DOCK9: variants seen among roughly 807,000 people sequenced by gnomAD.
DOCK9 encodes the protein dedicator of cytokinesis 9.
In DOCK9, 89 loss-of-function variants were observed where a neutral mutation model predicts 263.3. The observed-to-expected ratio is 0.34, with a 90% CI of 0.28 to 0.40. DOCK9 has a LOEUF of 0.40. DOCK9 is among the 10% of genes least tolerant of loss of function. The pLI is 1.00. For missense variants in DOCK9, 2,140 were observed against 2,603.4 expected, an observed-to-expected ratio of 0.82 and a Z score of 3.87; for synonymous variants, 976 against 973.1, an observed-to-expected ratio of 1.00 and a Z score of -0.06.
At chr13:98,846,876 A>G (rs2093409514) in intron 37 of DOCK9, 1 of 330,046 alleles carries the variant, frequency 3.0e-6, no homozygotes, top group Non-Finnish European at 5.9e-6. Context: ...GATCTTTTTC[A>G]CATGCAGCAG....
intron 3 of DOCK9, 32 bp downstream of exon 3, chr13:98,930,136 A>G: frequency 6.3e-7 from 1 of 1,580,586 alleles, no homozygotes; most frequent in South Asian, 1.2e-5. Context: ...AAATGACTTC[A>G]AAATGTAAAT....
chr13:99,015,582 CA>C (rs1885278397), intron 1 of DOCK9: 2 of 1,597,748 alleles, frequency 1.3e-6, no homozygotes, highest in Non-Finnish European at 1.7e-6. Context: ...TGCCTTTAAA[CA>C]GAATCACACT....
chr13:98,921,813 C>T (rs760733450), intron 6 of DOCK9, among the ~76,000 whole-genome samples: 29 of 152,198 alleles, frequency 1.9e-4, no homozygotes, highest in Admixed American at 1.6e-3. Context: ...TCAGTGTCTG[C>T]ACCTTCACAC....
chr13:98,879,167 C>G (rs1158541151), intron 27 of DOCK9, among the ~76,000 whole-genome samples: 1 of 152,162 alleles, frequency 6.6e-6, no homozygotes, highest in Non-Finnish European at 1.5e-5. Context: ...AACTTATCTA[C>G]CTTGAGCCTC....
At chr13:98,981,558 T>G (rs1877210598), upstream of DOCK9, among the ~76,000 whole-genome samples, 1 of 152,228 alleles carries the variant, frequency 6.6e-6, no homozygotes, top group Non-Finnish European at 1.5e-5. Context: ...GGCAGTCATC[T>G]GAGTCCACCG....
At chr13:98,923,745 T>C (rs1298055798) in intron 4 of DOCK9, among the ~76,000 whole-genome samples, 1 of 152,204 alleles carries the variant, frequency 6.6e-6, no homozygotes. Context: ...ACAATGATGG[T>C]ATTAACCACA....
intron 1 of DOCK9, among the ~76,000 whole-genome samples, chr13:99,058,632 G>C (rs571368045): frequency 2.3e-4 from 35 of 152,142 alleles, no homozygotes; most frequent in African/African-American, 8.0e-4. Flanking sequence ...ATTTACCAAG[G>C]GTTCCCCCCA....
intron 1 of DOCK9, among the ~76,000 whole-genome samples, chr13:99,025,849 T>C (rs574531378): frequency 7.9e-5 from 12 of 152,382 alleles, no homozygotes; most frequent in South Asian, 2.1e-4. Context: ...TGAAATATTA[T>C]GTACCAACTT....
rs147025665 is a variant in DOCK9, at chr13:98,848,625, T to C, written c.4028A>G (p.Gln1343Arg). 2.3e-3 allele frequency: 3,694 copies of C among 1,612,610 alleles called. 46 individuals carry two copies. Among genetic ancestry groups the C allele is most frequent in the South Asian group, 0.02 (1,828 of 90,332 alleles). ...GTATCGCTTCCCCATGTACTGGAAC[T>C]GGTGCAGGCAGACTCTGCAGGCAAG... Reference protein sequence around the residue: ...FFTISEVCLHQFQYMGKRYIA... With the variant: ...FFTISEVCLHRFQYMGKRYIA... The change falls in exon 37 of 53, where the codon CAG becomes CGG. Residue 1343 changes from glutamine (Q) to arginine (R), a missense_variant. Physicochemically the swap from Gln to Arg is conservative, Grantham distance 43 (BLOSUM62 1). Around this residue, in one of 2 missense-constraint regions of DOCK9, gnomAD observed 1,521 missense variants for 1,741.7 expected, o/e 0.87. Transcript: ENST00000682017.
chr13:98,883,329 C>T (rs2045153233), intron 22 of DOCK9, among the ~76,000 whole-genome samples, 198 bp from the exon 23 acceptor site: 1 of 152,038 alleles, frequency 6.6e-6, no homozygotes, highest in African/African-American at 2.4e-5. Flanking sequence ...CTCACTGCGG[C>T]CTTGACCTCC....
chr13:98,902,509 AT>A lies in DOCK9; in HGVS notation c.1177-19del, dbSNP rs1299396439. 3 of 1,607,644 alleles carry A rather than the reference AT, an allele frequency of 1.9e-6. No homozygotes were observed. Among genetic ancestry groups the A allele is most frequent in the Non-Finnish European group, 2.6e-6 (3 of 1,175,468 alleles). On this transcript the variant is annotated intron_variant, in intron 11 of 52. Transcript: ENST00000682017. ...GGTTCAACCTGAACAAAACAAAACA[AT>A]CCAATGATCACCATGGCTCAAACAG... is the stretch of plus-strand genomic sequence containing the variant.
chr13:98,975,509 A>ACACACACACAC (rs1555436469), intron 1 of DOCK9, among the ~76,000 whole-genome samples: 2 of 149,246 alleles, frequency 1.3e-5, no homozygotes, highest in South Asian at 2.1e-4. Flanking sequence ...ACACACACAC[A>ACACACACACAC]AGTTATACTG....
rs777917584 is a variant in DOCK9 at position 98,885,812 on chromosome 13, G to A, written c.2156C>T (p.Thr719Ile). ...FYDEIKIELP[T>I]QLHEKHHLLL... ...CAGGTGGTGCTTTTCATGCAGCTGA[G>A]TGGGCAACTCTATTTTAATCTGCAA... Residue 719 changes from threonine to isoleucine, a missense_variant, in exon 20 of 53, where the codon ACT becomes ATT. By Grantham distance (89) the Thr-to-Ile change is moderately conservative (BLOSUM62 -1). Around this residue, in one of 2 missense-constraint regions of DOCK9, gnomAD observed 1,521 missense variants for 1,741.7 expected, o/e 0.87. Coordinates refer to ENST00000682017, the MANE Select transcript of DOCK9 (RefSeq NM_001366683.2). 12 of 1,607,808 alleles carry A rather than the reference G, an allele frequency of 7.5e-6. No homozygotes were observed. The highest frequency in any genetic ancestry group is 6.9e-5 in the Admixed American group (4 of 58,112).
At chr13:99,002,098 C>T (rs973861683) in intron 1 of DOCK9, among the ~76,000 whole-genome samples, 2 of 152,226 alleles carry the variant, frequency 1.3e-5, no homozygotes, top group Admixed American at 1.3e-4. Flanking sequence ...CTCCCTCATT[C>T]ACTTCCATTG....
intron 1 of DOCK9, among the ~76,000 whole-genome samples, chr13:98,961,067 G>A (rs1359281213): frequency 6.6e-6 from 1 of 152,218 alleles, no homozygotes; most frequent in Non-Finnish European, 1.5e-5. Flanking sequence ...AGCCAGGCCT[G>A]TAAACATGTA....
At chr13:98,828,382 T>C (rs1406759503) in intron 43 of DOCK9, among the ~76,000 whole-genome samples, 1 of 152,252 alleles carries the variant, frequency 6.6e-6, no homozygotes, top group African/African-American at 2.4e-5. Flanking sequence ...GAATCTTAAA[T>C]TCTTAGAATG....
chr13:99,059,511 G>A (rs777904637), intron 1 of DOCK9, among the ~76,000 whole-genome samples: 9 of 152,006 alleles, frequency 5.9e-5, no homozygotes, highest in Non-Finnish European at 1.0e-4. Flanking sequence ...TTCCTCATCT[G>A]TATTATTCTA....
Position 98,881,891 on chromosome 13 carries a change from C to T in DOCK9, c.2675+1G>A. The T allele has an allele frequency of 6.4e-7, 1 of 1,565,254 alleles. No homozygotes were observed. Among genetic ancestry groups the T allele is most frequent in the Non-Finnish European group, 8.7e-7 (1 of 1,153,848 alleles). ...GAAGAGCATCCATCCACCTCCCTTA[C>T]CGAGTCACGTTAACCGCGACTTCTT... On this transcript the variant is annotated splice_donor_variant, in intron 24 of 52. Coordinates refer to ENST00000682017, the MANE Select transcript of DOCK9 (RefSeq NM_001366683.2). LOFTEE classifies it high-confidence loss of function.
At chr13:99,031,281 A>G (rs1400655401) in intron 1 of DOCK9, among the ~76,000 whole-genome samples, 1 of 152,234 alleles carries the variant, frequency 6.6e-6, no homozygotes, top group Non-Finnish European at 1.5e-5. Flanking sequence ...GAACTAATTA[A>G]GCCATGAGAC....
Sources: allele counts gnomAD v4.1 joint callset (sites outside exome capture counted in the v4.1 genomes callset), GRCh38; gene constraint gnomAD v4.1.1; regional missense constraint gnomAD v4.1.1; transcripts MANE v1.5; gene names NCBI Gene and HGNC (gene_info 2026-07-23, HGNC 2026-07-21).